LIMS4: variants seen among roughly 807,000 people sequenced by gnomAD.
The protein encoded by LIMS4 is LIM and senescent cell antigen-like-containing domain protein 4.
the LIMS4 span, among the ~76,000 whole-genome samples, chr2:110,391,146 G>A: frequency 1.3e-5 from 2 of 149,582 alleles, no homozygotes; most frequent in Admixed American, 1.3e-4. Context: ...GCTGGGGGGA[G>A]AGCAGGGGAG....
the LIMS4 span, among the ~76,000 whole-genome samples, chr2:110,373,659 C>G: frequency 6.6e-6 from 1 of 151,582 alleles, no homozygotes; most frequent in Non-Finnish European, 1.5e-5. Flanking sequence ...AGTCACAGGG[C>G]TGGTCAGCAG....
chr2:110,425,452 C>T, the LIMS4 span, among the ~76,000 whole-genome samples: 2 of 139,194 alleles, frequency 1.4e-5, no homozygotes. Flanking sequence ...GACTGGCAGG[C>T]AGCATTATAG....
chr2:110,388,140 CT>C, the LIMS4 span: 1 of 63,196 alleles, frequency 1.6e-5, no homozygotes, highest in Non-Finnish European at 2.9e-5. Context: ...AACCATTCTA[CT>C]TTTTTAGTTT....
chr2:110,411,762 T>G, the LIMS4 span, among the ~76,000 whole-genome samples: 1 of 83,756 alleles, frequency 1.2e-5, no homozygotes, highest in Non-Finnish European at 2.1e-5. Context: ...ATCCTTGCTG[T>G]TTTAAAATCT....
the LIMS4 span, among the ~76,000 whole-genome samples, chr2:110,367,430 C>T: frequency 7.0e-6 from 1 of 143,406 alleles, no homozygotes; most frequent in South Asian, 2.2e-4. Context: ...AGCCACACGT[C>T]TACAACTAAC....
chr2:110,378,853 GT>G, the LIMS4 span, among the ~76,000 whole-genome samples: 1 of 126,088 alleles, frequency 7.9e-6, no homozygotes, highest in Non-Finnish European at 1.6e-5. Context: ...AGCCTTGGCT[GT>G]AGGCCACACT....
chr2:110,411,315 G>A, the LIMS4 span, among the ~76,000 whole-genome samples: 1 of 130,608 alleles, frequency 7.7e-6, no homozygotes, highest in Non-Finnish European at 1.6e-5. Context: ...CAGTTCCCAG[G>A]ACATGCTTAG....
chr2:110,391,302 T>G, the LIMS4 span, among the ~76,000 whole-genome samples: 1 of 139,578 alleles, frequency 7.2e-6, no homozygotes, highest in Non-Finnish European at 1.5e-5. Context: ...TTCTACCACA[T>G]GGTCTCTCAG....
the LIMS4 span, among the ~76,000 whole-genome samples, chr2:110,394,821 CT>C: frequency 9.4e-6 from 1 of 105,966 alleles, no homozygotes; most frequent in African/African-American, 4.4e-5. Context: ...TTAGCATCTG[CT>C]TTCTGCAAAG....
At chr2:110,395,932 C>A in the LIMS4 span, among the ~76,000 whole-genome samples, 1 of 141,144 alleles carries the variant, frequency 7.1e-6, no homozygotes, top group South Asian at 2.3e-4. Flanking sequence ...AGGCACATAC[C>A]AGCGTCCTAA....
the LIMS4 span, among the ~76,000 whole-genome samples, chr2:110,379,051 G>A: frequency 6.8e-6 from 1 of 148,024 alleles, no homozygotes; most frequent in Non-Finnish European, 1.5e-5. Flanking sequence ...TGGATATTAA[G>A]TGTGTGGCAC....
the LIMS4 span, among the ~76,000 whole-genome samples, chr2:110,407,479 A>T: frequency 2.9e-5 from 1 of 34,186 alleles, no homozygotes; most frequent in African/African-American, 1.1e-4. Flanking sequence ...AGAGGATGAC[A>T]TAAAAGGAAA....
At chr2:110,368,765 G>C in the LIMS4 span, among the ~76,000 whole-genome samples, 1 of 131,084 alleles carries the variant, frequency 7.6e-6, no homozygotes, top group Non-Finnish European at 1.6e-5. Context: ...TTTTTCTCTA[G>C]CTGTAAATAT....
At chr2:110,425,248 A>G in the LIMS4 span, among the ~76,000 whole-genome samples, 594 of 142,504 alleles carry the variant, frequency 4.2e-3, 1 homozygote, top group African/African-American at 0.017. Context: ...AGAGCTGGGC[A>G]TGGTGGCAAA....
At chr2:110,386,726 T>C in the LIMS4 span, 1 of 849,702 alleles carries the variant, frequency 1.2e-6, no homozygotes, top group East Asian at 2.7e-5. Context: ...GCTGGGCTTG[T>C]CAACACCAGC....
At chr2:110,390,702 G>A in the LIMS4 span, among the ~76,000 whole-genome samples, 3 of 149,890 alleles carry the variant, frequency 2.0e-5, no homozygotes, top group Non-Finnish European at 4.4e-5. Flanking sequence ...GGATGTGGGA[G>A]TGAGGGGCTC....
the LIMS4 span, among the ~76,000 whole-genome samples, chr2:110,391,722 G>GTCGCCGTATCATTAAA: frequency 8.6e-6 from 1 of 116,914 alleles, no homozygotes; most frequent in Non-Finnish European, 1.6e-5. Context: ...GGATCACGGG[G>GTCGCCGTATCATTAAA]AGCCATTAGT....
the LIMS4 span, among the ~76,000 whole-genome samples, chr2:110,367,707 C>T: frequency 0.011 from 1,433 of 134,290 alleles, 22 homozygotes; most frequent in East Asian, 0.032. Flanking sequence ...TGAAACCCCA[C>T]GTTTACCAAA....
the LIMS4 span, among the ~76,000 whole-genome samples, chr2:110,379,065 G>T: frequency 6.8e-6 from 1 of 147,506 alleles, no homozygotes; most frequent in African/African-American, 2.6e-5. Flanking sequence ...GTGGCACCAT[G>T]GTGGAAGTAA....
Sources: gnomAD v4.1 joint callset for allele counts (sites outside exome capture counted in the v4.1 genomes callset) on GRCh38, gnomAD v4.1.1 for gene constraint, MANE v1.5 for transcripts, NCBI Gene and HGNC (gene_info 2026-07-23, HGNC 2026-07-21) for gene names.